The following PRLR variants were observed in gnomAD, a reference collection of about 807,000 sequenced individuals.
PRLR encodes the protein hPRL receptor.
PRLR carries 13 observed loss-of-function variants against 40.2 expected under a neutral mutation model. That is an observed-to-expected ratio of 0.32 (90% CI 0.21 to 0.51). The LOEUF (loss-of-function observed/expected upper bound fraction) is 0.51. Ranked by LOEUF, PRLR falls within the 20% of genes least tolerant of loss-of-function variation. The probability of loss-of-function intolerance (pLI) is 0.97; values close to 1 mark genes in which losing one functional copy is unlikely to be tolerated. For synonymous variants in PRLR, 269 were observed against 278.7 expected (o/e 0.97, Z 0.35); for missense variants, 656 against 747.3 (o/e 0.88, Z 1.42).
rs570183356 is a variant in PRLR, at chr5:35,067,137, G to A, written c.856-1035C>T. Among the ~76,000 whole-genome samples, 3 of 152,264 alleles carry A rather than the reference G, an allele frequency of 2.0e-5. No individual in the cohort carries two copies. The South Asian group carries it at 6.2e-4, about 32-fold the overall frequency. On this transcript the variant is annotated intron_variant, in intron 9 of 9. Transcript: ENST00000618457. Reference sequence around the variant, plus strand: ...CTTTATCACTTATTATAGGGTATGTGACTTTGGACAAGCTGCTCTCTGAAC... The same window carrying A: ...CTTTATCACTTATTATAGGGTATGTAACTTTGGACAAGCTGCTCTCTGAAC...
At chr5:35,076,844 C>T (rs1374084476) in intron 5 of PRLR, among the ~76,000 whole-genome samples, 1 of 152,234 alleles carries the variant, frequency 6.6e-6, no homozygotes, top group Non-Finnish European at 1.5e-5. Flanking sequence ...AACAGTGGAT[C>T]TCTTGGCAGA....
At chr5:35,129,736 C>T (rs1457064704) in intron 1 of PRLR, among the ~76,000 whole-genome samples, 1 of 151,662 alleles carries the variant, frequency 6.6e-6, no homozygotes, top group Non-Finnish European at 1.5e-5. Flanking sequence ...CCTTTACTGT[C>T]CCTCCTCTGC....
chr5:35,095,021 G>T (rs921971982), intron 2 of PRLR, among the ~76,000 whole-genome samples: 2 of 151,950 alleles, frequency 1.3e-5, no homozygotes, highest in African/African-American at 4.8e-5. Context: ...CAGTGATGGG[G>T]TTTTGCCATG....
intron 1 of PRLR, among the ~76,000 whole-genome samples, chr5:35,197,769 A>C (rs968493821): frequency 1.3e-5 from 2 of 152,238 alleles, no homozygotes; most frequent in African/African-American, 4.8e-5. Flanking sequence ...CATGCACCTC[A>C]GTATAGTCGC....
chr5:35,163,689 T>A (rs1018487485), intron 1 of PRLR, among the ~76,000 whole-genome samples: 1 of 152,244 alleles, frequency 6.6e-6, no homozygotes, highest in African/African-American at 2.4e-5. Context: ...TACATGTAAA[T>A]TGAATAATAG....
downstream of PRLR, among the ~76,000 whole-genome samples, chr5:35,051,711 G>T (rs1435887268): frequency 6.6e-6 from 1 of 151,904 alleles, no homozygotes; most frequent in Admixed American, 6.6e-5. Flanking sequence ...AATGAAGGAA[G>T]GGTGCATCAA....
intron 2 of PRLR, among the ~76,000 whole-genome samples, chr5:35,106,608 C>T (rs1479418898): frequency 6.6e-6 from 1 of 152,070 alleles, no homozygotes; most frequent in East Asian, 1.9e-4. Flanking sequence ...TTGAAACCAA[C>T]AAAGATCAAA....
intron 1 of PRLR, among the ~76,000 whole-genome samples, chr5:35,198,153 T>A (rs933090462): frequency 1.3e-5 from 2 of 152,230 alleles, no homozygotes; most frequent in African/African-American, 4.8e-5. Context: ...GCTGACACAG[T>A]TCATCATCCT....
intron 1 of PRLR, among the ~76,000 whole-genome samples, chr5:35,196,303 G>A (rs1203036751): frequency 6.6e-6 from 1 of 152,140 alleles, no homozygotes; most frequent in Admixed American, 6.5e-5. Flanking sequence ...ATATGGTAAG[G>A]TAAAAGGACA....
intron 2 of PRLR, among the ~76,000 whole-genome samples, chr5:35,112,991 C>T (rs1772755901): frequency 2.0e-5 from 3 of 152,144 alleles, no homozygotes; most frequent in African/African-American, 4.8e-5. Context: ...GGAGGGAAAC[C>T]ACGATCCAGC....
chr5:35,181,450 A>G (rs1212498400), intron 1 of PRLR, among the ~76,000 whole-genome samples: 1 of 152,216 alleles, frequency 6.6e-6, no homozygotes, highest in African/African-American at 2.4e-5. Context: ...GAATTATATC[A>G]TGTGTCCATT....
At chr5:35,113,167 C>T (rs920453182) in intron 2 of PRLR, among the ~76,000 whole-genome samples, 3 of 150,168 alleles carry the variant, frequency 2.0e-5, no homozygotes, top group Non-Finnish European at 4.4e-5. Flanking sequence ...TCTATCCATC[C>T]ATCCCTCCAT....
chr5:35,194,689 G>A (rs896633743), intron 1 of PRLR, among the ~76,000 whole-genome samples: 3 of 152,182 alleles, frequency 2.0e-5, no homozygotes, highest in African/African-American at 7.2e-5. Context: ...CATTCTGCAT[G>A]ATTCTGACTA....
At chr5:35,176,076 T>A (rs1775139355) in intron 1 of PRLR, among the ~76,000 whole-genome samples, 1 of 152,226 alleles carries the variant, frequency 6.6e-6, no homozygotes, top group Non-Finnish European at 1.5e-5. Flanking sequence ...CGGATGCACA[T>A]GCAGCCCCCA....
intron 1 of PRLR, among the ~76,000 whole-genome samples, chr5:35,219,158 C>T (rs1249254906): frequency 1.3e-5 from 2 of 152,178 alleles, no homozygotes; most frequent in African/African-American, 2.4e-5. Flanking sequence ...CCCGGAAGCC[C>T]GGCCCAGTTT....
chr5:35,141,029 A>G (rs1378465919), intron 1 of PRLR, among the ~76,000 whole-genome samples: 1 of 152,164 alleles, frequency 6.6e-6, no homozygotes, highest in Admixed American at 6.6e-5. Context: ...AGCTCTTTCA[A>G]ACTAAGCCAA....
At chr5:35,099,451 A>G (rs1771725914) in intron 2 of PRLR, among the ~76,000 whole-genome samples, 1 of 152,234 alleles carries the variant, frequency 6.6e-6, no homozygotes, top group African/African-American at 2.4e-5. Context: ...TATGTGCAGT[A>G]TATATACTTG....
chr5:35,158,211 C>CG (rs1774566647), intron 1 of PRLR, among the ~76,000 whole-genome samples: 1 of 152,198 alleles, frequency 6.6e-6, no homozygotes, highest in Non-Finnish European at 1.5e-5. Flanking sequence ...TCACAGTCTA[C>CG]TGAAATTGCT....
At chr5:35,159,643 G>A (rs1423726648) in intron 1 of PRLR, among the ~76,000 whole-genome samples, 1 of 152,204 alleles carries the variant, frequency 6.6e-6, no homozygotes, top group East Asian at 1.9e-4. Flanking sequence ...CCTTGAGGCA[G>A]CTGTTTTTAT....
Sources: allele counts gnomAD v4.1 joint callset (sites outside exome capture counted in the v4.1 genomes callset), GRCh38; gene constraint gnomAD v4.1.1; transcripts MANE v1.5; gene names NCBI Gene and HGNC (gene_info 2026-07-23, HGNC 2026-07-21).